CDR2L: variants seen among roughly 807,000 people sequenced by gnomAD.
The protein encoded by CDR2L is cerebellar degeneration-related protein 2-like.
In CDR2L, 19 loss-of-function variants were observed where a neutral mutation model predicts 36.1. That is an observed-to-expected ratio of 0.53 (90% CI 0.37 to 0.77). CDR2L has a LOEUF of 0.77. Among genes scored for constraint, CDR2L ranks in the 30% least tolerant of loss-of-function variants. The probability of loss-of-function intolerance (pLI) is 0.00; values close to 1 mark genes in which losing one functional copy is unlikely to be tolerated. For synonymous variants in CDR2L, 285 were observed against 280.4 expected (o/e 1.02, Z -0.16); for missense variants, 575 against 627.2 (o/e 0.92, Z 0.89).
At chr17:74,997,058 TTCTTTCTTTCTTTCTTTCTTTCTTTC>T (rs1292512819) in intron 1 of CDR2L, among the ~76,000 whole-genome samples, 103 of 10,046 alleles carry the variant, frequency 0.01, 1 homozygote, top group South Asian at 0.023. Flanking sequence ...CTTTCTTTCT[TTCTTTCTTTCTTTCTTTCTTTCTTTC>T]TTTTTTTTTT....
At chr17:75,000,184 G>A (rs1181622077) in intron 2 of CDR2L, among the ~76,000 whole-genome samples, 1 of 152,154 alleles carries the variant, frequency 6.6e-6, no homozygotes, top group Admixed American at 6.5e-5. Flanking sequence ...GATGAAGTGA[G>A]AGGATTGCTT....
chr17:74,988,642 C>G (rs1321803002), intron 1 of CDR2L, among the ~76,000 whole-genome samples: 2 of 152,210 alleles, frequency 1.3e-5, no homozygotes, highest in African/African-American at 4.8e-5. Flanking sequence ...AGAAGTGGTA[C>G]CGCGTCTTTG....
chr17:74,994,185 C>T (rs925082778), intron 1 of CDR2L, among the ~76,000 whole-genome samples: 5 of 152,204 alleles, frequency 3.3e-5, no homozygotes, highest in Admixed American at 2.6e-4. Flanking sequence ...CCGAAACAAC[C>T]GTATCTAGGA....
rs767689602 is a variant in CDR2L at position 75,001,488 on chromosome 17, G to A, written c.340G>A (p.Gly114Arg). The A allele has an allele frequency of 1.9e-6, 3 of 1,557,896 alleles. No homozygotes were observed. The highest frequency in any genetic ancestry group is 2.6e-6 in the Non-Finnish European group (3 of 1,154,564). ...TAAGGCTGCCCAGCAGAAGATCCAT[G>A]GGTGAGGGCCCGGCTGAGGGCTGGG... is the stretch of plus-strand genomic sequence containing the variant. ...ESKAAQQKIH[G>R]LTETIERLQA... The change falls in exon 3 of 5, where the codon GGG becomes AGG. Residue 114 changes from glycine (G) to arginine (R), a missense_variant and splice_region_variant. Transcript: ENST00000337231.
At position 74,988,131 on chromosome 17, in the gene CDR2L, G is replaced by T; in HGVS notation, c.79+9G>T. On this transcript the variant is annotated intron_variant, in intron 1 of 4. Coordinates refer to ENST00000337231, the MANE Select transcript of CDR2L (RefSeq NM_014603.3). ...GCAGGACCTGGAGCAGGGTGAGCGC[G>T]GGGGCGACCGGGACAGGAAGGCGGG... is the stretch of plus-strand genomic sequence containing the variant. 6.6e-7 allele frequency: 1 copy of T among 1,520,972 alleles called. No homozygotes were observed. Among genetic ancestry groups the T allele is most frequent in the African/African-American group, 1.4e-5 (1 of 70,146 alleles). 94.2% of individuals were successfully genotyped at this position (1,520,972 alleles called of 1,614,324 possible). A position where few individuals can be genotyped will look rare whatever the true frequency, so the allele number is the denominator to read the frequency against.
chr17:74,997,054 TTCTTTCTTTCTTTCTTTCTTTC>T (rs1567974258), intron 1 of CDR2L, among the ~76,000 whole-genome samples: 3 of 9,832 alleles, frequency 3.1e-4, no homozygotes, highest in African/African-American at 4.0e-4. Context: ...CTTTCTTTCT[TTCTTTCTTTCTTTCTTTCTTTC>T]TTTCTTTCTT....
At chr17:74,991,586 G>A (rs565776030) in intron 1 of CDR2L, among the ~76,000 whole-genome samples, 10 of 151,188 alleles carry the variant, frequency 6.6e-5, no homozygotes, top group Admixed American at 1.3e-4. Context: ...GCGCGGTGGC[G>A]GGCGCCTGTA....
intron 1 of CDR2L, among the ~76,000 whole-genome samples, 177 bp from the exon 2 acceptor site, chr17:74,999,323 CACAA>C (rs2039849778): frequency 6.9e-6 from 1 of 145,478 alleles, no homozygotes; most frequent in Non-Finnish European, 1.5e-5. Flanking sequence ...CACAGACACA[CACAA>C]AAAGAACATT....
chr17:75,003,331 G>A lies in CDR2L; in HGVS notation c.655G>A (p.Glu219Lys), dbSNP rs764883108. 17 of 1,555,532 alleles carry A rather than the reference G, an allele frequency of 1.1e-5. No individual in the cohort carries two copies. Among genetic ancestry groups the A allele is most frequent in the Non-Finnish European group, 1.4e-5 (16 of 1,150,460 alleles). The change falls in exon 5 of 5, where the codon GAG becomes AAG. Residue 219 changes from glutamate to lysine, a missense_variant. By Grantham distance (56) the Glu-to-Lys change is moderately conservative. Transcript: ENST00000337231. ...GCAGCGCAAGGAGCGGGCGGAGCGC[G>A]AGTACACCGCGGTGCTGCAGGAGTA... ...ERQRKERAER[E>K]YTAVLQEYSE...
In CDR2L at chr17:75,003,817, G is replaced by C; in HGVS notation, c.1141G>C (p.Val381Leu). 1 of 1,554,948 alleles carries C rather than the reference G, an allele frequency of 6.4e-7. No homozygotes were observed. Among genetic ancestry groups the C allele is most frequent in the Non-Finnish European group, 8.7e-7 (1 of 1,149,832 alleles). The change falls in exon 5 of 5, where the codon GTG (valine) becomes CTG (leucine). Residue 381 changes from valine to leucine, a missense_variant. Coordinates refer to ENST00000337231, the MANE Select transcript of CDR2L (RefSeq NM_014603.3). ...CAAGTGCCGGCAGCACGGGGCCGGA[G>C]TGCGGCACGCCGGCGTGCAGACCTC... is the stretch of plus-strand genomic sequence containing the variant. ...LSKCRQHGAG[V>L]RHAGVQTSRP...
At chr17:74,997,489 G>A (rs1023169100) in intron 1 of CDR2L, among the ~76,000 whole-genome samples, 8 of 152,086 alleles carry the variant, frequency 5.3e-5, no homozygotes, top group African/African-American at 7.2e-5. Context: ...CCCTATGTCC[G>A]TCCATGCTCT....
At position 75,004,384 on chromosome 17, in the gene CDR2L, A is replaced by C; in HGVS notation, c.*310A>C. ...CTTCCTGACCCTGCGCCTCACCCTC[A>C]GACTGGTGACCAGGCTTCTGAAAGC... On this transcript the variant is annotated 3_prime_UTR_variant, in exon 5 of 5. Coordinates refer to ENST00000337231, the MANE Select transcript of CDR2L (RefSeq NM_014603.3). The C allele has an allele frequency of 3.4e-6, 1 of 293,188 alleles. No homozygotes were observed. The highest frequency in any genetic ancestry group is 6.3e-6 in the Non-Finnish European group (1 of 159,290). 18.2% of individuals were successfully genotyped at this position (293,188 alleles called of 1,614,324 possible).
chr17:74,990,169 T>C (rs1392792400), intron 1 of CDR2L, among the ~76,000 whole-genome samples: 3 of 152,184 alleles, frequency 2.0e-5, no homozygotes. Context: ...GATGTGCAGC[T>C]TCTTGAGAGA....
rs11652048 is a variant in CDR2L at position 74,989,397 on chromosome 17, A to T, written c.79+1275A>T. Among the ~76,000 whole-genome samples, 74,261 of 144,016 alleles carry T rather than the reference A, an allele frequency of 0.52. 19,583 individuals carry two copies. The highest frequency in any genetic ancestry group is 0.78 in the East Asian group (3,870 of 4,984). 94.5% of individuals were successfully genotyped at this position (144,016 alleles called of 152,430 possible). ...TCAGCCTCCTTGGCTGAAATGAGAT[A>T]CAGCTCCTCTCAAACACACACACAC... On this transcript the variant is annotated intron_variant, in intron 1 of 4. Transcript: ENST00000337231. The surrounding 1 kb of genome is among the most constrained non-coding windows in gnomAD (Gnocchi z 4.2).
At chr17:75,000,574 A>G (rs1032934602) in intron 2 of CDR2L, among the ~76,000 whole-genome samples, 1 of 143,536 alleles carries the variant, frequency 7.0e-6, no homozygotes, top group Admixed American at 7.1e-5. Context: ...CTGAGATTAC[A>G]GGTGTGAGCC....
rs1228703744 is a variant in CDR2L at position 75,003,308 on chromosome 17, A to C, written c.632A>C (p.Gln211Pro). Residue 211 changes from glutamine (Q) to proline (P), a missense_variant, in exon 5 of 5, where the codon CAG (glutamine) becomes CCG (proline). By Grantham distance (76) the Gln-to-Pro change is moderately conservative. Transcript: ENST00000337231. Reference sequence around the variant, plus strand: ...CGCTCCCAGGTGAGCCAGGAGCGGCAGCGCAAGGAGCGGGCGGAGCGCGAG... The same window carrying C: ...CGCTCCCAGGTGAGCCAGGAGCGGCCGCGCAAGGAGCGGGCGGAGCGCGAG... ...ALRSQVSQER[Q>P]RKERAEREYT... The C allele has an allele frequency of 3.9e-6, 6 of 1,555,320 alleles. No homozygotes were observed. In the Admixed American group the frequency reaches 1.2e-4, roughly 30 times the overall value.
In CDR2L at chr17:75,003,636, T is replaced by G. The variant is rs2039883045; in HGVS notation, c.960T>G (p.Thr320=). The G allele has an allele frequency of 1.4e-6, 2 of 1,466,736 alleles. No homozygotes were observed. Among genetic ancestry groups the G allele is most frequent in the Non-Finnish European group, 9.0e-7 (1 of 1,109,056 alleles). The allele number at this position is 1,466,736 out of a possible 1,614,324, so 90.9% of individuals were successfully genotyped here. The change falls in exon 5 of 5, where the codon ACT becomes ACG. Residue 320 remains threonine (T), a synonymous_variant. Coordinates refer to ENST00000337231, the MANE Select transcript of CDR2L (RefSeq NM_014603.3). ...TGGTGCGCAAGAGCTGCAGCGACAC[T>G]GCGCTCAACGCCATCGTGGCCAAAG... ...GHVVRKSCSD[T]ALNAIVAKDP... is the part of the protein sequence containing the mutation.
intron 1 of CDR2L, among the ~76,000 whole-genome samples, chr17:74,995,969 C>A (rs1041357670): frequency 2.6e-5 from 4 of 152,000 alleles, no homozygotes; most frequent in African/African-American, 9.7e-5. Flanking sequence ...CCTTCTCCGT[C>A]TCTGGATTAA....
In CDR2L at chr17:74,994,296, C is replaced by G. The variant is rs142618269; in HGVS notation, c.80-5208C>G. ...AGCAGTAGAGAACTGGATCCCTGAACCACATCATATTGGCCCCAGTAGAGT... is the reference window on the plus strand; with the variant it reads ...AGCAGTAGAGAACTGGATCCCTGAAGCACATCATATTGGCCCCAGTAGAGT... On this transcript the variant is annotated intron_variant, in intron 1 of 4. Coordinates refer to ENST00000337231, the MANE Select transcript of CDR2L (RefSeq NM_014603.3). 1.5e-3 allele frequency among the ~76,000 whole-genome samples: 230 copies of G among 152,326 alleles called. 1 individual carries two copies. Among genetic ancestry groups the G allele is most frequent in the Non-Finnish European group, 2.9e-3 (199 of 68,032 alleles).
Sources: allele counts gnomAD v4.1 joint callset (sites outside exome capture counted in the v4.1 genomes callset), GRCh38; gene constraint gnomAD v4.1.1; non-coding constraint Gnocchi (gnomAD v3.1); transcripts MANE v1.5; gene names NCBI Gene and HGNC (gene_info 2026-07-23, HGNC 2026-07-21).